Variants in MUC5B observed in about 807,000 individuals in gnomAD.
MUC5B encodes the protein mucin-5B.
Under a neutral mutation model 376.9 loss-of-function variants are expected in MUC5B, and 116 were observed. That is an observed-to-expected ratio of 0.31 (90% CI 0.26 to 0.36). The LOEUF is 0.36. MUC5B is among the 10% of genes least tolerant of loss of function. The probability of loss-of-function intolerance (pLI) is 1.00; values close to 1 mark genes in which losing one functional copy is unlikely to be tolerated. For missense variants in MUC5B, 7,165 were observed against 7,769.9 expected (o/e 0.92, Z 2.93); for synonymous variants, 3,517 against 3,390.9 (o/e 1.04, Z -1.29).
chr11:1,260,448 C>G (rs950767874), intron 47 of MUC5B, 55 bp downstream of exon 47: 1 of 1,593,510 alleles, frequency 6.3e-7, no homozygotes, highest in South Asian at 1.1e-5. Context: ...CGTCGCCACC[C>G]ATCCATTCCT....
Position 1,234,140 on chromosome 11 carries a change from C to T in MUC5B, c.2378-65C>T. On this transcript the variant is annotated intron_variant, in intron 19 of 48. Transcript: ENST00000529681. The surrounding 1 kb of genome is among the most constrained non-coding windows in gnomAD (Gnocchi z 6.3). ...ATCAGCAGGACAGGCTCAGGGCTGC[C>T]TGGGGTCAGTTGAGGGCCGTGGCTG... is the stretch of plus-strand genomic sequence containing the variant. The T allele has an allele frequency of 7.4e-7, 1 of 1,346,190 alleles. No individual in the cohort carries two copies. The allele number at this position is 1,346,190 out of a possible 1,614,324, so 83.4% of individuals were successfully genotyped here.
In MUC5B at chr11:1,241,039, G is replaced by A. The variant is rs567576289; in HGVS notation, c.4159G>A (p.Asp1387Asn). The change falls in exon 31 of 49, where the codon GAC (aspartate) becomes AAC (asparagine). Residue 1387 changes from aspartate (D) to asparagine (N), a missense_variant. This residue lies in a region of MUC5B where 517 missense variants were observed against 545.3 expected (regional missense o/e 0.95). Transcript: ENST00000529681. ...DIECRAAQLPDMPLEELGQQV... is the reference protein window; with the variant it reads ...DIECRAAQLPNMPLEELGQQV... ...CGAGTGCCGGGCGGCGCAGCTTCCCGACATGCCGCTGGAGGAGCTGGGCCA... is the reference window on the plus strand; with the variant it reads ...CGAGTGCCGGGCGGCGCAGCTTCCCAACATGCCGCTGGAGGAGCTGGGCCA... 21 of 1,612,604 alleles carry A rather than the reference G, an allele frequency of 1.3e-5. No homozygotes were observed. Among genetic ancestry groups the A allele is most frequent in the African/African-American group, 1.1e-4 (8 of 75,060 alleles).
intron 48 of MUC5B, 65 bp from the exon 49 acceptor site, chr11:1,261,324 C>A: frequency 2.1e-6 from 3 of 1,426,066 alleles, no homozygotes; most frequent in Middle Eastern, 2.2e-4. Flanking sequence ...CCATGTGTCA[C>A]CATGGCTGGG....
At chr11:1,255,319 A>G (rs1404596770) in intron 36 of MUC5B, 53 bp downstream of exon 36, 7 of 1,514,828 alleles carry the variant, frequency 4.6e-6, no homozygotes, top group South Asian at 1.2e-5. Flanking sequence ...GCCCGCCCGC[A>G]TGCACGCACG....
At position 1,255,520 on chromosome 11, in the gene MUC5B, T is replaced by G. The variant is rs1256615076; in HGVS notation, c.16028T>G (p.Val5343Gly). 3.9e-6 allele frequency: 6 copies of G among 1,546,114 alleles called. No homozygotes were observed. In the African/African-American group the frequency reaches 4.1e-5, roughly 11 times the overall value. The change falls in exon 37 of 49, where the codon GTG (valine) becomes GGG (glycine). Residue 5343 changes from valine (V) to glycine (G), a missense_variant. Transcript: ENST00000529681. ...GCAGAGCTCTGCCGCGCCCGGGGAG[T>G]GTGCAGTGACTGGCGAGGTGCAACC... ...AYAELCRARG[V>G]CSDWRGATGG...
rs1270352204 is a variant in MUC5B at position 1,230,613 on chromosome 11, C to T, written c.1470+13C>T. The T allele has an allele frequency of 1.3e-6, 2 of 1,594,962 alleles. No homozygotes were observed. The highest frequency in any genetic ancestry group is 1.3e-5 in the African/African-American group (1 of 74,610). ...CGGCGGGGACACGGTGAGGACCTGG[C>T]TGGGGCCCTGGGCTGGGACAGGAAG... On this transcript the variant is annotated intron_variant, in intron 12 of 48. Transcript: ENST00000529681.
chr11:1,235,980 G>A (rs1461715507), intron 23 of MUC5B, among the ~76,000 whole-genome samples: 2 of 152,216 alleles, frequency 1.3e-5, no homozygotes, highest in African/African-American at 4.8e-5. Context: ...TCCAGCAAAG[G>A]GGGGCCAGAG....
Position 1,249,028 on chromosome 11 carries a change from C to A in MUC5B, c.12148C>A (p.His4050Asn). 6.2e-7 allele frequency: 1 copy of A among 1,610,140 alleles called. No homozygotes were observed. The highest frequency in any genetic ancestry group is 1.1e-5 in the South Asian group (1 of 90,786). ...HITEPSTGTS[H>N]TPAATTGTTQ... ...CACAGAGCCTTCCACGGGGACTTCC[C>A]ACACCCCAGCAGCAACCACCGGTAC... Residue 4050 changes from histidine (H) to asparagine (N), a missense_variant, in exon 31 of 49, where the codon CAC becomes AAC. Coordinates refer to ENST00000529681, the MANE Select transcript of MUC5B (RefSeq NM_002458.3).
chr11:1,232,329 G>A (rs1862046084), intron 15 of MUC5B, 121 bp from the exon 16 acceptor site: 12 of 1,355,756 alleles, frequency 8.9e-6, no homozygotes, highest in East Asian at 5.1e-5. Context: ...CCCCCAAGGC[G>A]CAGCAGGTGA....
In MUC5B at chr11:1,242,027, C is replaced by A. The variant is rs61910740; in HGVS notation, c.5147C>A (p.Thr1716Lys). The change falls in exon 31 of 49, where the codon ACG (threonine) becomes AAG (lysine). Residue 1716 changes from threonine to lysine, a missense_variant. By Grantham distance (78) the Thr-to-Lys change is moderately conservative. This residue lies in a region of MUC5B where 897 missense variants were observed against 779.6 expected (regional missense o/e 1.15). Transcript: ENST00000529681. ...LGTWRPSQPP[T>K]LAPTTMATSR... is the part of the protein sequence containing the mutation. ...ACATGGCGCCCCTCACAGCCACCCA[C>A]GCTGGCCCCAACAACAATGGCAACC... 6.3e-7 allele frequency: 1 copy of A among 1,587,076 alleles called. No individual in the cohort carries two copies. Among genetic ancestry groups the A allele is most frequent in the Non-Finnish European group, 8.6e-7 (1 of 1,167,700 alleles).
At position 1,258,858 on chromosome 11, in the gene MUC5B, T is replaced by C. The variant is rs1862918554; in HGVS notation, c.16594-84T>C. The C allele has an allele frequency of 6.6e-7, 1 of 1,520,060 alleles. No homozygotes were observed. Among genetic ancestry groups the C allele is most frequent in the South Asian group, 1.2e-5 (1 of 81,414 alleles). The allele number at this position is 1,520,060 out of a possible 1,614,324, so 94.2% of individuals were successfully genotyped here. On this transcript the variant is annotated intron_variant, in intron 43 of 48. Coordinates refer to ENST00000529681, the MANE Select transcript of MUC5B (RefSeq NM_002458.3). This position sits in a 1 kb window ranked among gnomAD's most constrained non-coding sequence, Gnocchi z 5.5. ...TCCATCTGAGGAAGGAACAACTCCCTGCAGGCCCCATTGGGTCATGGGGAG... is the reference window on the plus strand; with the variant it reads ...TCCATCTGAGGAAGGAACAACTCCCCGCAGGCCCCATTGGGTCATGGGGAG...
chr11:1,239,398 C>G lies in MUC5B; in HGVS notation c.3455-40C>G, dbSNP rs1329629213. The G allele has an allele frequency of 4.4e-6, 7 of 1,580,732 alleles. No homozygotes were observed. In the East Asian group the frequency reaches 1.6e-4, roughly 36 times the overall value. On this transcript the variant is annotated intron_variant, in intron 26 of 48. Coordinates refer to ENST00000529681, the MANE Select transcript of MUC5B (RefSeq NM_002458.3). ...CTGCCCTGCACAACAGGGGTGAGGGCTGGTGGGCGCCTCCTTAGCCTCTGC... is the reference window on the plus strand; with the variant it reads ...CTGCCCTGCACAACAGGGGTGAGGGGTGGTGGGCGCCTCCTTAGCCTCTGC...
In MUC5B at chr11:1,240,431, C is replaced by A. The variant is rs528376062; in HGVS notation, c.3970+56C>A. The A allele has an allele frequency of 2.0e-6, 3 of 1,478,142 alleles. No homozygotes were observed. In the African/African-American group the frequency reaches 4.2e-5, roughly 21 times the overall value. The allele number at this position is 1,478,142 out of a possible 1,614,324, so 91.6% of individuals were successfully genotyped here. ...GTACCGTCTGGGTGACAAGGAGGAC[C>A]CCCTGGGCTCTTAGTGCAGGTGCCC... On this transcript the variant is annotated intron_variant, in intron 30 of 48. Coordinates refer to ENST00000529681, the MANE Select transcript of MUC5B (RefSeq NM_002458.3).
intron 26 of MUC5B, 180 bp downstream of exon 26, chr11:1,239,207 C>T (rs1862223256): frequency 2.1e-6 from 2 of 930,264 alleles, no homozygotes; most frequent in African/African-American, 1.6e-5. Context: ...GCAAAACCAC[C>T]AGACAGGTTG....
intron 31 of MUC5B, 132 bp from the exon 32 acceptor site, chr11:1,252,211 C>G: frequency 1.1e-6 from 1 of 873,592 alleles, no homozygotes; most frequent in Non-Finnish European, 1.7e-6. Flanking sequence ...CCACACTCAG[C>G]CTCTGCCCTC....
intron 7 of MUC5B, among the ~76,000 whole-genome samples, chr11:1,228,150 G>A (rs906444104): frequency 6.6e-6 from 1 of 152,194 alleles, no homozygotes; most frequent in African/African-American, 2.4e-5. Context: ...AAGTTGTGCT[G>A]TGAATGACAG....
rs1862271464 is a variant in MUC5B, at chr11:1,241,109, G to T, written c.4229G>T (p.Ser1410Ile). 2.5e-6 allele frequency: 4 copies of T among 1,611,998 alleles called. No individual in the cohort carries two copies. The highest frequency in any genetic ancestry group is 3.4e-6 in the Non-Finnish European group (4 of 1,179,264). Reference sequence around the variant, plus strand: ...ATGCGGGGGCTGATGTGCGCCAACAGCCAACAGAGTCCCCCGCTCTGTCAC... The same window carrying T: ...ATGCGGGGGCTGATGTGCGCCAACATCCAACAGAGTCCCCCGCTCTGTCAC... Reference protein sequence around the residue: ...DRMRGLMCANSQQSPPLCHDY... With the variant: ...DRMRGLMCANIQQSPPLCHDY... The change falls in exon 31 of 49, where the codon AGC (serine) becomes ATC (isoleucine). Residue 1410 changes from serine (S) to isoleucine (I), a missense_variant. Around this residue, in one of 31 missense-constraint regions of MUC5B, gnomAD observed 517 missense variants for 545.3 expected, o/e 0.95. Transcript: ENST00000529681.
rs112654308 is a variant in MUC5B at position 1,261,107 on chromosome 11, G to A, written c.17070-282G>A. Among the ~76,000 whole-genome samples the A allele has an allele frequency of 3.5e-3, 529 of 152,358 alleles. 9 individuals carry two copies. Among genetic ancestry groups the A allele is most frequent in the African/African-American group, 0.012 (506 of 41,578 alleles). The stretch of plus-strand genomic sequence containing the variant: ...TGACCCTTAGCTAGAAGAGGCAGGA[G>A]GAAGGGTCAAGGGCTGCTTAGGGTC... On this transcript the variant is annotated intron_variant, in intron 48 of 48. Transcript: ENST00000529681.
intron 23 of MUC5B, 185 bp from the exon 24 acceptor site, chr11:1,236,201 T>C: frequency 1.7e-6 from 1 of 577,622 alleles, no homozygotes; most frequent in Admixed American, 3.3e-5. Context: ...TTCCCAGCAC[T>C]TCCTGGCCAG....
Sources: gnomAD v4.1 joint callset for allele counts (sites outside exome capture counted in the v4.1 genomes callset) on GRCh38, gnomAD v4.1.1 for gene constraint, gnomAD v4.1.1 regional missense constraint, Gnocchi (gnomAD v3.1) non-coding constraint, MANE v1.5 for transcripts, NCBI Gene and HGNC (gene_info 2026-07-23, HGNC 2026-07-21) for gene names.